The following PDE10A variants were observed in gnomAD, a reference collection of about 807,000 sequenced individuals.
PDE10A encodes cAMP and cAMP-inhibited cGMP 3',5'-cyclic phosphodiesterase 10A.
In PDE10A, 39 loss-of-function variants were observed where a neutral mutation model predicts 97.7. That is an observed-to-expected ratio of 0.40 (90% CI 0.31 to 0.52). The LOEUF (loss-of-function observed/expected upper bound fraction) is 0.52. PDE10A is among the 20% of genes least tolerant of loss of function. The pLI is 0.56. For missense variants in PDE10A, 731 were observed against 1,047.8 expected (o/e 0.70, Z 4.17); for synonymous variants, 371 against 376.8 (o/e 0.98, Z 0.18).
intron 1 of PDE10A, among the ~76,000 whole-genome samples, chr6:165,896,845 T>C (rs991865553): frequency 1.3e-5 from 2 of 152,102 alleles, no homozygotes; most frequent in South Asian, 2.1e-4. Context: ...AATTTTTGTA[T>C]TTTTAGTAGA....
At chr6:165,972,249 C>T (rs569121871) in intron 1 of PDE10A, among the ~76,000 whole-genome samples, 11 of 152,090 alleles carry the variant, frequency 7.2e-5, no homozygotes, top group South Asian at 2.1e-4. Flanking sequence ...TTCTGCTGGC[C>T]GGGATGGAGC....
At chr6:165,616,892 A>G (rs1787749579) in intron 1 of PDE10A, among the ~76,000 whole-genome samples, 2 of 152,218 alleles carry the variant, frequency 1.3e-5, no homozygotes, top group South Asian at 4.1e-4. Flanking sequence ...TTCTTGGTGT[A>G]TTTTACTAAA....
At chr6:165,605,417 C>T (rs12210393) in intron 1 of PDE10A, among the ~76,000 whole-genome samples, 18,541 of 152,226 alleles carry the variant, frequency 0.12, 1,154 homozygotes, top group Non-Finnish European at 0.14. Context: ...GTGCTCTGCA[C>T]TGTTCTAAAA....
At chr6:165,929,956 A>G (rs1247369182) in intron 1 of PDE10A, among the ~76,000 whole-genome samples, 3 of 151,428 alleles carry the variant, frequency 2.0e-5, no homozygotes, top group African/African-American at 7.3e-5. Flanking sequence ...CTCCCTAATG[A>G]CCAGGCAACA....
chr6:165,339,114 G>A (rs951791355), intron 20 of PDE10A, among the ~76,000 whole-genome samples, 164 bp downstream of exon 20: 5 of 152,146 alleles, frequency 3.3e-5, no homozygotes, highest in Non-Finnish European at 7.3e-5. Context: ...TCTCAATCTT[G>A]TAAGATAAAT....
Position 165,663,137 on chromosome 6 carries a change from T to C in PDE10A, c.-326A>G, listed in dbSNP as rs543471618. ...CAGGCGTGGCGTGGTGTGTGCGCGC[T>C]CCGGCGGCTGAGCCTCGGCGGCTTC... On this transcript the variant is annotated 5_prime_UTR_variant, in exon 1 of 22. Coordinates refer to ENST00000539869, the MANE Select transcript of PDE10A (RefSeq NM_001385079.1). Among the ~76,000 whole-genome samples the C allele has an allele frequency of 7.2e-5, 11 of 151,736 alleles. No individual in the cohort carries two copies. Among genetic ancestry groups the C allele is most frequent in the African/African-American group, 2.7e-4 (11 of 41,450 alleles).
intron 5 of PDE10A, among the ~76,000 whole-genome samples, chr6:165,438,306 A>G (rs572891120): frequency 6.6e-6 from 1 of 152,240 alleles, no homozygotes; most frequent in East Asian, 1.9e-4. Flanking sequence ...CTCCTGCCTC[A>G]GCCTCCCGAG....
At position 165,396,452 on chromosome 6, in the gene PDE10A, T is replaced by C; in HGVS notation, c.2084A>G (p.His695Arg). Residue 695 changes from histidine (H) to arginine (R), a missense_variant, in exon 14 of 22, where the codon CAT (histidine) becomes CGT (arginine). His to Arg is a conservative substitution (Grantham distance 29). This residue lies in a region of PDE10A where 131 missense variants were observed against 187.4 expected (regional missense o/e 0.70). Transcript: ENST00000539869. ...ALALHCANMY[H>R]RIRHSECIYR... ...AATGCACTCTGAGTGGCGAATTCTATGATACATCTAGAAGGCAAATCCAAA... is the reference window on the plus strand; with the variant it reads ...AATGCACTCTGAGTGGCGAATTCTACGATACATCTAGAAGGCAAATCCAAA... The C allele has an allele frequency of 1.2e-6, 2 of 1,610,486 alleles. No individual in the cohort carries two copies. The highest frequency in any genetic ancestry group is 1.7e-6 in the Non-Finnish European group (2 of 1,178,156).
intron 3 of PDE10A, among the ~76,000 whole-genome samples, chr6:165,468,596 T>C (rs1025626033): frequency 9.8e-5 from 15 of 152,334 alleles, no homozygotes; most frequent in Admixed American, 3.9e-4. Flanking sequence ...GTAAGGTTTT[T>C]AACAAATATT....
chr6:165,434,623 T>G (rs2128239714), intron 6 of PDE10A, among the ~76,000 whole-genome samples: 1 of 152,328 alleles, frequency 6.6e-6, no homozygotes, highest in East Asian at 1.9e-4. Flanking sequence ...AAGCAGTGGC[T>G]TGAAAACTCA....
chr6:165,608,095 C>CATGTATATATATATATGTGT (rs1491517857), intron 1 of PDE10A, among the ~76,000 whole-genome samples: 1 of 147,074 alleles, frequency 6.8e-6, no homozygotes, highest in Non-Finnish European at 1.5e-5. Context: ...TATATATGTG[C>CATGTATATATATATATGTGT]ATATATATAC....
rs1781267739 is a variant in PDE10A at position 165,330,217 on chromosome 6, T to G, written c.*2808A>C. 6.6e-6 allele frequency: 1 copy of G among 152,138 alleles called. No individual in the cohort carries two copies. The highest frequency in any genetic ancestry group is 1.5e-5 in the Non-Finnish European group (1 of 68,028). 9.4% of individuals were successfully genotyped at this position (152,138 alleles called of 1,614,324 possible). ...TCATAGCGGGTTACTAAATTTATAC[T>G]GGGTGGAAAATTTGGCACAATACAC... On this transcript the variant is annotated 3_prime_UTR_variant, in exon 22 of 22. Transcript: ENST00000539869.
At chr6:165,718,086 G>T (rs1792072858) in intron 1 of PDE10A, 1 of 152,160 alleles carries the variant, frequency 6.6e-6, no homozygotes, top group Non-Finnish European at 1.5e-5. Context: ...ATGCACAAAA[G>T]TTTTTAATTT....
At chr6:165,907,940 A>G (rs901166889) in intron 1 of PDE10A, among the ~76,000 whole-genome samples, 3 of 152,226 alleles carry the variant, frequency 2.0e-5, no homozygotes, top group Non-Finnish European at 2.9e-5. Context: ...AGAACTAACA[A>G]AAAACTACAC....
intron 13 of PDE10A, among the ~76,000 whole-genome samples, chr6:165,398,752 T>A (rs533931229): frequency 3.9e-5 from 6 of 152,182 alleles, no homozygotes; most frequent in African/African-American, 1.2e-4. Flanking sequence ...TAAAATTCAA[T>A]TTTAAAGGTA....
intron 1 of PDE10A, among the ~76,000 whole-genome samples, chr6:165,825,145 CA>C (rs1199061190): frequency 0.028 from 1,447 of 50,876 alleles, 16 homozygotes; most frequent in African/African-American, 0.089. Context: ...GACTCCATCT[CA>C]AAAAAAAAAA....
chr6:165,866,699 T>G (rs981208068), intron 1 of PDE10A, among the ~76,000 whole-genome samples: 5 of 145,836 alleles, frequency 3.4e-5, no homozygotes, highest in Non-Finnish European at 6.0e-5. Flanking sequence ...AGTTCTTTCA[T>G]AAGAGAATAT....
intron 2 of PDE10A, among the ~76,000 whole-genome samples, chr6:165,508,774 T>C (rs1309647634): frequency 6.6e-6 from 1 of 152,030 alleles, no homozygotes; most frequent in East Asian, 1.9e-4. Context: ...TCAACAGTTT[T>C]ACTGAGGATT....
intron 1 of PDE10A, among the ~76,000 whole-genome samples, chr6:165,637,993 TCTC>T (rs1159132142): frequency 1.3e-5 from 2 of 152,148 alleles, no homozygotes; most frequent in African/African-American, 4.8e-5. Context: ...CCATTTCCCA[TCTC>T]CTCCTTTCCT....
Sources: gnomAD v4.1 joint callset for allele counts (sites outside exome capture counted in the v4.1 genomes callset) on GRCh38, gnomAD v4.1.1 for gene constraint, gnomAD v4.1.1 regional missense constraint, MANE v1.5 for transcripts, NCBI Gene and HGNC (gene_info 2026-07-23, HGNC 2026-07-21) for gene names.